BANK1: variants seen among roughly 807,000 people sequenced by gnomAD.
The protein encoded by BANK1 is B cell scaffold protein with ankyrin repeats 1, also known as B-cell scaffold protein with ankyrin repeats.
In BANK1, 95 loss-of-function variants were observed where a neutral mutation model predicts 94.5. The ratio of observed to expected loss-of-function variants is 1.00; its 90% CI spans 0.85 to 1.19. BANK1 has a LOEUF of 1.19. Ranked by LOEUF, BANK1 falls within the 50% of genes most tolerant of loss-of-function variation. The probability of loss-of-function intolerance (pLI) is 0.00; values close to 1 mark genes in which losing one functional copy is unlikely to be tolerated. For synonymous variants in BANK1, 334 were observed against 308.4 expected (o/e 1.08, Z -0.87); for missense variants, 987 against 932.2 (o/e 1.06, Z -0.77).
At chr4:101,854,744 T>A (rs1290168115) in intron 2 of BANK1, among the ~76,000 whole-genome samples, 1 of 152,158 alleles carries the variant, frequency 6.6e-6, no homozygotes, top group Admixed American at 6.5e-5. Flanking sequence ...TGTTTTAATA[T>A]TAAGAGAAAA....
intron 1 of BANK1, among the ~76,000 whole-genome samples, chr4:101,828,468 G>T (rs1726459075): frequency 6.7e-6 from 1 of 149,164 alleles, no homozygotes; most frequent in Non-Finnish European, 1.5e-5. Context: ...ACTCCAGCAG[G>T]CTCTCTCATA....
Position 101,911,105 on chromosome 4 carries a change from G to T in BANK1, c.1010-6888G>T, listed in dbSNP as rs79119058. On this transcript the variant is annotated intron_variant, in intron 6 of 16. Transcript: ENST00000322953. ...ATTTAAATCTCCACTTTACAGATGA[G>T]AAGTTGCATACTTTGCCCAGATGGT... 6.5e-3 allele frequency among the ~76,000 whole-genome samples: 990 copies of T among 152,286 alleles called. 11 individuals carry two copies. The highest frequency in any genetic ancestry group is 0.023 in the African/African-American group (952 of 41,554).
At position 101,953,003 on chromosome 4, in the gene BANK1, A is replaced by G. The variant is rs148622774; in HGVS notation, c.1206+34814A>G. On this transcript the variant is annotated intron_variant, in intron 7 of 16. Coordinates refer to ENST00000322953, the MANE Select transcript of BANK1 (RefSeq NM_017935.5). ...TAACGATCAGTGAGAAGAACTAGACAAGGGCTTTTGCCGACATCTGCACCA... is the reference window on the plus strand; with the variant it reads ...TAACGATCAGTGAGAAGAACTAGACGAGGGCTTTTGCCGACATCTGCACCA... Among the ~76,000 whole-genome samples the G allele has an allele frequency of 3.5e-4, 54 of 152,240 alleles. 1 individual carries two copies. The East Asian group carries it at 6.6e-3, about 19-fold the overall frequency.
Position 102,071,371 on chromosome 4 carries a change from A to G in BANK1, c.2242+67A>G. The stretch of plus-strand genomic sequence containing the variant: ...AAGTACAGAGTAAATCAATTTCAAT[A>G]TTAATGTAAACCTAATGTGATTAAG... On this transcript the variant is annotated intron_variant, in intron 14 of 16. Coordinates refer to ENST00000322953, the MANE Select transcript of BANK1 (RefSeq NM_017935.5). The G allele has an allele frequency of 4.8e-6, 7 of 1,460,322 alleles. No homozygotes were observed. The South Asian group carries it at 7.0e-5, about 15-fold the overall frequency. The allele number at this position is 1,460,322 out of a possible 1,614,324, so 90.5% of individuals were successfully genotyped here. A position where few individuals can be genotyped will look rare whatever the true frequency, so the allele number is the denominator to read the frequency against.
intron 4 of BANK1, among the ~76,000 whole-genome samples, chr4:101,866,483 G>A (rs563623324): frequency 6.0e-4 from 92 of 152,126 alleles, no homozygotes; most frequent in African/African-American, 2.0e-3. Flanking sequence ...TACAGATATA[G>A]GAAGCTCAAG....
chr4:102,053,367 TA>T (rs1486820308), intron 11 of BANK1, among the ~76,000 whole-genome samples: 2 of 152,108 alleles, frequency 1.3e-5, no homozygotes, highest in African/African-American at 4.8e-5. Context: ...GAAACAATCT[TA>T]AAAGTATTGA....
chr4:101,948,473 C>A (rs918337061), intron 7 of BANK1, among the ~76,000 whole-genome samples: 9 of 152,204 alleles, frequency 5.9e-5, no homozygotes, highest in African/African-American at 1.2e-4. Context: ...TTTACAATGG[C>A]TTCATCCTAA....
At chr4:101,916,381 T>C (rs1722829510) in intron 6 of BANK1, among the ~76,000 whole-genome samples, 1 of 152,030 alleles carries the variant, frequency 6.6e-6, no homozygotes. Context: ...TTCCAGATAA[T>C]GATTTATGAG....
chr4:101,847,198 AGTGTGTGTGTGTGTGTGT>A (rs10542109), intron 2 of BANK1, among the ~76,000 whole-genome samples: 3 of 147,716 alleles, frequency 2.0e-5, no homozygotes, highest in African/African-American at 5.0e-5. Flanking sequence ...GGGTTGGCAG[AGTGTGTGTGTGTGTGTGT>A]GTGTGTGTGT....
At chr4:101,917,762 C>T (rs1560632193) in intron 6 of BANK1, among the ~76,000 whole-genome samples, 1 of 151,354 alleles carries the variant, frequency 6.6e-6, no homozygotes, top group African/African-American at 2.4e-5. Flanking sequence ...ACTTACCTCA[C>T]AAGTAAGATT....
At chr4:101,908,793 G>C (rs961770932) in intron 6 of BANK1, among the ~76,000 whole-genome samples, 1 of 152,184 alleles carries the variant, frequency 6.6e-6, no homozygotes, top group African/African-American at 2.4e-5. Flanking sequence ...GCAGCCAACA[G>C]ACACATGAGA....
At chr4:102,018,013 G>A (rs1351528087) in intron 7 of BANK1, among the ~76,000 whole-genome samples, 1 of 152,042 alleles carries the variant, frequency 6.6e-6, no homozygotes, top group Non-Finnish European at 1.5e-5. Context: ...ATATGAATGT[G>A]CTTTTAGGTC....
chr4:101,939,846 G>GA (rs147151901), intron 7 of BANK1, among the ~76,000 whole-genome samples: 2,344 of 149,264 alleles, frequency 0.016, 59 homozygotes, highest in African/African-American at 0.054. Context: ...CATAAGCAAA[G>GA]AAAAAAAAAT....
chr4:101,932,570 C>A (rs1245884903), intron 7 of BANK1, among the ~76,000 whole-genome samples: 1 of 151,464 alleles, frequency 6.6e-6, no homozygotes, highest in Non-Finnish European at 1.5e-5. Context: ...CCAGAGAGCA[C>A]AGCTTGGATA....
In BANK1 at chr4:102,043,973, C is replaced by T; in HGVS notation, c.1969+66C>T. On this transcript the variant is annotated intron_variant, in intron 11 of 16. Transcript: ENST00000322953. Reference sequence around the variant, plus strand: ...AAAATATCAAGAAATCTTATGAATACAGAGTAAAGCCTCCTAGGACAGAAG... The same window carrying T: ...AAAATATCAAGAAATCTTATGAATATAGAGTAAAGCCTCCTAGGACAGAAG... 11 of 909,584 alleles carry T rather than the reference C, an allele frequency of 1.2e-5. 1 individual carries two copies. The South Asian group carries it at 1.8e-4, about 15-fold the overall frequency. The allele number at this position is 909,584 out of a possible 1,614,324, so 56.3% of individuals were successfully genotyped here.
intron 1 of BANK1, among the ~76,000 whole-genome samples, chr4:101,802,078 C>T (rs915140419): frequency 2.6e-5 from 4 of 152,188 alleles, no homozygotes; most frequent in Non-Finnish European, 4.4e-5. Context: ...AATGCCTGTC[C>T]TTACTTAGGT....
intron 3 of BANK1, among the ~76,000 whole-genome samples, chr4:101,858,857 A>G (rs1009741133): frequency 4.6e-5 from 7 of 152,200 alleles, no homozygotes; most frequent in Non-Finnish European, 8.8e-5. Flanking sequence ...TTTATTTTAT[A>G]TGACCTGTTC....
At chr4:101,917,647 A>G (rs1260113743) in intron 6 of BANK1, among the ~76,000 whole-genome samples, 1 of 151,914 alleles carries the variant, frequency 6.6e-6, no homozygotes, top group Non-Finnish European at 1.5e-5. Flanking sequence ...GAATTTCGTT[A>G]TTTAGCGTTT....
At chr4:102,069,370 GA>G (rs1728687451) in intron 13 of BANK1, among the ~76,000 whole-genome samples, 1 of 152,168 alleles carries the variant, frequency 6.6e-6, no homozygotes, top group Non-Finnish European at 1.5e-5. Context: ...AGAAGCATGT[GA>G]AAAGATGCTC....
Sources: allele counts gnomAD v4.1 joint callset (sites outside exome capture counted in the v4.1 genomes callset), GRCh38; gene constraint gnomAD v4.1.1; transcripts MANE v1.5; gene names NCBI Gene and HGNC (gene_info 2026-07-23, HGNC 2026-07-21).